The following SKAP1 variants were observed in gnomAD, a reference collection of about 807,000 sequenced individuals.
SKAP1 encodes src kinase associated phosphoprotein 1.
Under a neutral mutation model 58.5 loss-of-function variants are expected in SKAP1, and 44 were observed. The ratio of observed to expected loss-of-function variants is 0.75; its 90% confidence interval spans 0.59 to 0.97. The LOEUF (loss-of-function observed/expected upper bound fraction) is 0.97. Among genes scored for constraint, SKAP1 ranks in the 50% least tolerant of loss-of-function variants. The pLI, the probability that SKAP1 is intolerant of heterozygous loss-of-function variation, is 0.00. For missense variants in SKAP1, 390 were observed against 435.2 expected (o/e 0.90, Z 0.92); for synonymous variants, 127 against 149.7 (o/e 0.85, Z 1.11).
At chr17:48,402,331 G>C (rs974765318) in intron 1 of SKAP1, among the ~76,000 whole-genome samples, 2 of 135,670 alleles carry the variant, frequency 1.5e-5, no homozygotes, top group African/African-American at 5.8e-5. Flanking sequence ...ATTCATAGCA[G>C]CATTTTTTTT....
intron 1 of SKAP1, among the ~76,000 whole-genome samples, chr17:48,413,523 A>AAAAAAAAAAAAATATATATATAT: frequency 9.5e-6 from 1 of 105,452 alleles, no homozygotes; most frequent in African/African-American, 4.3e-5. Flanking sequence ...TCAAAAAAAA[A>AAAAAAAAAAAAATATATATATAT]ATATATATAT....
rs767927061 is a variant in SKAP1, at chr17:48,361,201, G to GT, written c.178+2587dup. Among the ~76,000 whole-genome samples the GT allele has an allele frequency of 1.4e-3, 194 of 137,996 alleles. 1 individual carries two copies. In the Middle Eastern group the frequency reaches 0.026, roughly 18 times the overall value. The allele number at this position is 137,996 out of a possible 152,430, so 90.5% of individuals were successfully genotyped here. On this transcript the variant is annotated intron_variant, in intron 3 of 12. Coordinates refer to ENST00000336915, the MANE Select transcript of SKAP1 (RefSeq NM_003726.4). ...ATTATATCTTGATAAGGCTGCCTTG[G>GT]TTTTTTTTTTTTTTTCTTTTTGAGA...
intron 2 of SKAP1, among the ~76,000 whole-genome samples, chr17:48,390,346 G>C (rs1360634123): frequency 1.3e-5 from 2 of 152,076 alleles, no homozygotes; most frequent in Non-Finnish European, 2.9e-5. Flanking sequence ...GATCAAATGA[G>C]ACTTAAAATC....
chr17:48,351,995 T>G (rs1030514994), intron 3 of SKAP1, among the ~76,000 whole-genome samples: 2 of 151,788 alleles, frequency 1.3e-5, no homozygotes, highest in Non-Finnish European at 2.9e-5. Context: ...TGTAATGCAG[T>G]TTTTAATTTT....
At chr17:48,158,564 T>G (rs1197914200) in intron 11 of SKAP1, among the ~76,000 whole-genome samples, 1 of 7,694 alleles carries the variant, frequency 1.3e-4, no homozygotes. Flanking sequence ...CGAGACTCTG[T>G]CTCAAAAAAA....
intron 2 of SKAP1, among the ~76,000 whole-genome samples, chr17:48,381,366 C>A (rs1198959826): frequency 6.6e-6 from 1 of 152,166 alleles, no homozygotes; most frequent in Non-Finnish European, 1.5e-5. Context: ...CTTTGGTTCC[C>A]AAAAATGCCT....
chr17:48,333,440 C>T (rs183071364), intron 4 of SKAP1, among the ~76,000 whole-genome samples: 421 of 152,212 alleles, frequency 2.8e-3, no homozygotes, highest in Non-Finnish European at 4.7e-3. Flanking sequence ...GTGGAGTAAC[C>T]TAGCCTTCCT....
At chr17:48,309,231 T>C (rs2066189005) in intron 4 of SKAP1, among the ~76,000 whole-genome samples, 1 of 152,140 alleles carries the variant, frequency 6.6e-6, no homozygotes, top group African/African-American at 2.4e-5. Context: ...TTCTAATAAC[T>C]TGGTTCCGAT....
chr17:48,421,255 T>A (rs1243915718), intron 1 of SKAP1, among the ~76,000 whole-genome samples: 1 of 151,866 alleles, frequency 6.6e-6, no homozygotes, highest in East Asian at 1.9e-4. Context: ...AACTGGGAAT[T>A]AATGCAAAAT....
chr17:48,222,956 C>T (rs531004977), intron 4 of SKAP1, among the ~76,000 whole-genome samples: 4 of 142,206 alleles, frequency 2.8e-5, no homozygotes, highest in East Asian at 4.5e-4. Flanking sequence ...CCCAGCTACT[C>T]GGGAGGCTGA....
chr17:48,376,869 G>A (rs145202236), intron 2 of SKAP1, among the ~76,000 whole-genome samples: 89 of 152,290 alleles, frequency 5.8e-4, no homozygotes, highest in African/African-American at 1.9e-3. Context: ...ATGCCAGAAT[G>A]TCTTACTGCC....
intron 4 of SKAP1, among the ~76,000 whole-genome samples, chr17:48,297,557 C>T (rs962445648): frequency 6.6e-6 from 1 of 152,098 alleles, no homozygotes; most frequent in South Asian, 2.1e-4. Flanking sequence ...GACCTACCAC[C>T]CTTTTAGGGT....
intron 4 of SKAP1, among the ~76,000 whole-genome samples, chr17:48,326,028 T>A (rs996866977): frequency 6.6e-6 from 1 of 152,102 alleles, no homozygotes; most frequent in African/African-American, 2.4e-5. Context: ...TCATCATCAT[T>A]ATCTTTGTGT....
intron 3 of SKAP1, among the ~76,000 whole-genome samples, chr17:48,348,352 A>G (rs1223304787): frequency 6.6e-6 from 1 of 151,548 alleles, no homozygotes. Flanking sequence ...AAAAAAAAAA[A>G]AAAGAAAAGA....
At position 48,379,682 on chromosome 17, in the gene SKAP1, C is replaced by T. The variant is rs114290953; in HGVS notation, c.153-15868G>A. Among the ~76,000 whole-genome samples the T allele has an allele frequency of 5.1e-3, 628 of 124,048 alleles. 4 individuals are homozygous for T. The highest frequency in any genetic ancestry group is 0.017 in the African/African-American group (578 of 34,188). 81.4% of individuals were successfully genotyped at this position (124,048 alleles called of 152,430 possible). A position where few individuals can be genotyped will look rare whatever the true frequency, so the allele number is the denominator to read the frequency against. ...AGATTCTATACTAAAGTATCTTCTT[C>T]TTTTTTTTTTTTTTTTTGAGACAGA... On this transcript the variant is annotated intron_variant, in intron 2 of 12. Coordinates refer to ENST00000336915, the MANE Select transcript of SKAP1 (RefSeq NM_003726.4).
chr17:48,393,456 C>G (rs983046496), intron 2 of SKAP1, among the ~76,000 whole-genome samples: 5 of 152,114 alleles, frequency 3.3e-5, no homozygotes, highest in African/African-American at 1.2e-4. Flanking sequence ...GGAGAACACC[C>G]AGGATTCTTG....
intron 4 of SKAP1, among the ~76,000 whole-genome samples, chr17:48,310,356 T>C (rs923135793): frequency 8.5e-5 from 13 of 152,226 alleles, no homozygotes; most frequent in Non-Finnish European, 1.3e-4. Context: ...CACTGGTTTG[T>C]TGTCCTTCTG....
chr17:48,186,906 AAAATGATTG>A (rs2064461452), intron 6 of SKAP1, among the ~76,000 whole-genome samples: 1 of 152,222 alleles, frequency 6.6e-6, no homozygotes, highest in African/African-American at 2.4e-5. Flanking sequence ...GGAGAAACAG[AAAATGATTG>A]CAAGGAAAAA....
chr17:48,135,253 C>T (rs1404878585), intron 12 of SKAP1, among the ~76,000 whole-genome samples: 3 of 152,172 alleles, frequency 2.0e-5, no homozygotes, highest in Non-Finnish European at 4.4e-5. Context: ...ATCACTGTCA[C>T]ACTGATGCCA....
Sources: gnomAD v4.1 joint callset for allele counts (sites outside exome capture counted in the v4.1 genomes callset) on GRCh38, gnomAD v4.1.1 for gene constraint, MANE v1.5 for transcripts, NCBI Gene and HGNC (gene_info 2026-07-23, HGNC 2026-07-21) for gene names.